The following ANK2 variants were observed in gnomAD, a reference collection of about 807,000 sequenced individuals.
The protein encoded by ANK2 is ankyrin 2, also known as ankyrin-2.
Under a neutral mutation model 360.5 loss-of-function variants are expected in ANK2, and 83 were observed. The observed-to-expected ratio is 0.23, with a 90% CI of 0.19 to 0.28. The LOEUF is 0.28. Ranked by LOEUF, ANK2 falls within the 10% of genes least tolerant of loss-of-function variation. The probability of loss-of-function intolerance (pLI) is 1.00; values close to 1 mark genes in which losing one functional copy is unlikely to be tolerated. For synonymous variants in ANK2, 1,740 were observed against 1,759.5 expected (o/e 0.99, Z 0.28); for missense variants, 4,201 against 4,795.7 (o/e 0.88, Z 3.66).
chr4:112,940,154 AT>A (rs1393194039), intron 2 of ANK2, among the ~76,000 whole-genome samples: 6 of 152,152 alleles, frequency 3.9e-5, no homozygotes, highest in Non-Finnish European at 8.8e-5. Flanking sequence ...TGCCTTAGTA[AT>A]TTGCTGCAAT....
intron 2 of ANK2, among the ~76,000 whole-genome samples, chr4:112,944,216 A>C (rs1463302656): frequency 6.6e-6 from 1 of 152,174 alleles, no homozygotes; most frequent in Non-Finnish European, 1.5e-5. Flanking sequence ...CTAAGTCATA[A>C]ATGATATATT....
intron 5 of ANK2, 91 bp from the exon 6 acceptor site, chr4:113,236,896 G>T (rs1695370731): frequency 1.5e-6 from 2 of 1,292,150 alleles, no homozygotes; most frequent in South Asian, 2.4e-5. Context: ...TGTCAATCTT[G>T]ATCATTAAAG....
At chr4:113,242,259 C>T (rs771320643) in intron 9 of ANK2, 50 bp downstream of exon 9, 3 of 1,542,100 alleles carry the variant, frequency 1.9e-6, no homozygotes, top group African/African-American at 2.7e-5. Flanking sequence ...TTCTTTCAAG[C>T]CTCATAGAAG....
intron 2 of ANK2, among the ~76,000 whole-genome samples, chr4:113,028,093 G>A (rs751037396): frequency 1.3e-5 from 2 of 151,842 alleles, no homozygotes; most frequent in Non-Finnish European, 2.9e-5. Flanking sequence ...TTTTGCCTTG[G>A]TGGCAATGGT....
intron 1 of ANK2, among the ~76,000 whole-genome samples, chr4:113,078,760 T>C (rs761699053): frequency 1.3e-5 from 2 of 152,204 alleles, no homozygotes; most frequent in Non-Finnish European, 2.9e-5. Flanking sequence ...AACGTTTACC[T>C]GTAAATATTC....
chr4:113,157,736 A>G (rs1174017813), intron 1 of ANK2, among the ~76,000 whole-genome samples: 6 of 152,186 alleles, frequency 3.9e-5, no homozygotes, highest in Admixed American at 2.6e-4. Context: ...TCAACAGTGG[A>G]AAGGTATTTA....
At chr4:113,374,403 C>T (rs770500197) in intron 45 of ANK2, among the ~76,000 whole-genome samples, 2 of 152,156 alleles carry the variant, frequency 1.3e-5, no homozygotes, top group Non-Finnish European at 2.9e-5. Flanking sequence ...AGAGCTCCTC[C>T]TTTGAGGGCT....
At position 113,367,648 on chromosome 4, in the gene ANK2, C is replaced by T. The variant is rs1469639696; in HGVS notation, c.11115C>T (p.Thr3705=). The T allele has an allele frequency of 6.2e-7, 1 of 1,613,806 alleles. No individual in the cohort carries two copies. The highest frequency in any genetic ancestry group is 1.1e-5 in the South Asian group (1 of 91,066). Residue 3705 remains threonine (T), a synonymous_variant, in exon 42 of 46, where the codon ACC becomes ACT. Transcript: ENST00000357077. ...EEQAVSKESE[T]CDHPPIVSEE... Reference sequence around the variant, plus strand: ...AAGCTGTTTCTAAAGAAAGTGAGACCTGCGATCACCCTCCTATCGTCTCAG... The same window carrying T: ...AAGCTGTTTCTAAAGAAAGTGAGACTTGCGATCACCCTCCTATCGTCTCAG...
intron 39 of ANK2, 148 bp from the exon 40 acceptor site, chr4:113,363,190 A>G (rs962686062): frequency 1.8e-5 from 14 of 761,492 alleles, no homozygotes; most frequent in South Asian, 1.3e-4. Context: ...ACAAAGGCAT[A>G]TAAGAGTCAC....
At chr4:113,010,807 T>A (rs1209227951) in intron 2 of ANK2, among the ~76,000 whole-genome samples, 2 of 152,176 alleles carry the variant, frequency 1.3e-5, no homozygotes, top group African/African-American at 4.8e-5. Flanking sequence ...ATGTCACAGT[T>A]CTTCATATAA....
the ANK2 span, among the ~76,000 whole-genome samples, chr4:112,728,726 A>G: frequency 6.6e-6 from 1 of 152,038 alleles, no homozygotes; most frequent in Non-Finnish European, 1.5e-5. Context: ...GTAACAGAGC[A>G]AAAGTGTCTC....
At position 113,336,090 on chromosome 4, in the gene ANK2, A is replaced by G. The variant is rs753351664; in HGVS notation, c.3591+33A>G. ...CATGTTAGATGCAAATGATCCTAACAGGATTGTATTCTAATGATTAAAAAT... is the reference window on the plus strand; with the variant it reads ...CATGTTAGATGCAAATGATCCTAACGGGATTGTATTCTAATGATTAAAAAT... On this transcript the variant is annotated intron_variant, in intron 30 of 45. Coordinates refer to ENST00000357077, the MANE Select transcript of ANK2 (RefSeq NM_001148.6). 4.4e-6 allele frequency: 7 copies of G among 1,602,804 alleles called. No individual in the cohort carries two copies. The South Asian group carries it at 5.5e-5, about 13-fold the overall frequency.
chr4:112,967,557 G>C (rs2037785831), intron 2 of ANK2, among the ~76,000 whole-genome samples: 1 of 152,056 alleles, frequency 6.6e-6, no homozygotes, highest in Non-Finnish European at 1.5e-5. Flanking sequence ...CTGTGAAAAG[G>C]GTTACTGAAA....
At position 113,367,578 on chromosome 4, in the gene ANK2, T is replaced by G; in HGVS notation, c.11045T>G (p.Leu3682Arg). Residue 3682 changes from leucine (L) to arginine (R), a missense_variant, in exon 42 of 46, where the codon CTT becomes CGT. This residue lies in a region of ANK2 where 2,642 missense variants were observed against 2,714.5 expected (regional missense o/e 0.97). Coordinates refer to ENST00000357077, the MANE Select transcript of ANK2 (RefSeq NM_001148.6). ...TLDHSEGFSVLQEELCTAQHK... is the reference protein window; with the variant it reads ...TLDHSEGFSVRQEELCTAQHK... Reference sequence around the variant, plus strand: ...ATTCTGCCTTTAGGGTTCTCGGTACTTCAAGAGGAGTTATGCACTGCACAG... The same window carrying G: ...ATTCTGCCTTTAGGGTTCTCGGTACGTCAAGAGGAGTTATGCACTGCACAG... The G allele has an allele frequency of 6.2e-7, 1 of 1,613,940 alleles. No homozygotes were observed. The highest frequency in any genetic ancestry group is 8.5e-7 in the Non-Finnish European group (1 of 1,179,988).
intron 2 of ANK2, among the ~76,000 whole-genome samples, chr4:113,008,965 C>T (rs570484767): frequency 1.3e-5 from 2 of 152,192 alleles, no homozygotes; most frequent in Admixed American, 6.5e-5. Context: ...CTGCTTCACT[C>T]GTGGGGCCTC....
At chr4:112,730,106 T>G in the ANK2 span, among the ~76,000 whole-genome samples, 3 of 151,584 alleles carry the variant, frequency 2.0e-5, no homozygotes, top group South Asian at 6.3e-4. Flanking sequence ...ATGCAAAAAT[T>G]AGCCAGGTGT....
At chr4:113,331,923 T>C (rs2092546462) in intron 27 of ANK2, 49 bp from the exon 28 acceptor site, 1 of 1,538,358 alleles carries the variant, frequency 6.5e-7, no homozygotes, top group Non-Finnish European at 9.0e-7. Flanking sequence ...AGACAATACC[T>C]GAAGCTTACC....
At chr4:113,146,419 G>A (rs1015630838) in intron 1 of ANK2, among the ~76,000 whole-genome samples, 1 of 151,988 alleles carries the variant, frequency 6.6e-6, no homozygotes, top group Non-Finnish European at 1.5e-5. Flanking sequence ...ATTTTTTTAA[G>A]CATATGCTCC....
chr4:112,833,793 G>C (rs951074740), intron 1 of ANK2, among the ~76,000 whole-genome samples: 3 of 152,142 alleles, frequency 2.0e-5, no homozygotes, highest in Non-Finnish European at 4.4e-5. Flanking sequence ...GTGAGCCACC[G>C]CACTCGGCCG....
Sources: allele counts gnomAD v4.1 joint callset (sites outside exome capture counted in the v4.1 genomes callset), GRCh38; gene constraint gnomAD v4.1.1; regional missense constraint gnomAD v4.1.1; transcripts MANE v1.5; gene names NCBI Gene and HGNC (gene_info 2026-07-23, HGNC 2026-07-21).